Variants in FCHSD2 observed in about 807,000 individuals in gnomAD.
FCHSD2 encodes FCH and double SH3 domains 2.
Under a neutral mutation model 108.1 loss-of-function variants are expected in FCHSD2, and 38 were observed. That is an observed-to-expected ratio of 0.35 (90% CI 0.27 to 0.46). FCHSD2 has a LOEUF of 0.46. FCHSD2 is among the 20% of genes least tolerant of loss of function. The probability of loss-of-function intolerance (pLI) is 1.00; values close to 1 mark genes in which losing one functional copy is unlikely to be tolerated. For missense variants in FCHSD2, 751 were observed against 897.8 expected (o/e 0.84, Z 2.09); for synonymous variants, 279 against 314.7 (o/e 0.89, Z 1.20).
At chr11:72,869,751 T>A (rs1400681510) in intron 12 of FCHSD2, 1 of 152,152 alleles carries the variant, frequency 6.6e-6, no homozygotes, top group Non-Finnish European at 1.5e-5. Context: ...CTTTTCCTGT[T>A]CATAATGCTA....
intron 3 of FCHSD2, among the ~76,000 whole-genome samples, chr11:73,062,115 C>T (rs933402986): frequency 1.8e-4 from 28 of 152,114 alleles, no homozygotes; most frequent in African/African-American, 6.5e-4. Flanking sequence ...GAGGAAAGAT[C>T]GGCAGCAATC....
At chr11:72,916,403 C>T (rs1355866060) in intron 9 of FCHSD2, among the ~76,000 whole-genome samples, 1 of 150,496 alleles carries the variant, frequency 6.6e-6, no homozygotes, top group Non-Finnish European at 1.5e-5. Flanking sequence ...GCTTCCAATT[C>T]CTGGGCTCAA....
At chr11:73,063,567 A>G (rs992757561) in intron 3 of FCHSD2, among the ~76,000 whole-genome samples, 2 of 152,228 alleles carry the variant, frequency 1.3e-5, no homozygotes, top group African/African-American at 4.8e-5. Flanking sequence ...AGACACACAT[A>G]GGTTCAAAAT....
At chr11:73,117,295 A>T (rs1860626715) in intron 2 of FCHSD2, among the ~76,000 whole-genome samples, 1 of 152,248 alleles carries the variant, frequency 6.6e-6, no homozygotes, top group Admixed American at 6.5e-5. Context: ...GACAAGCAGG[A>T]AGTGGAGAAC....
At chr11:73,069,539 A>C (rs1859383623) in intron 3 of FCHSD2, among the ~76,000 whole-genome samples, 1 of 152,094 alleles carries the variant, frequency 6.6e-6, no homozygotes. Context: ...TAAAACCCTC[A>C]AATAGACACA....
chr11:72,847,521 GAAA>G (rs1376761874), intron 14 of FCHSD2, among the ~76,000 whole-genome samples: 2 of 152,116 alleles, frequency 1.3e-5, no homozygotes, highest in African/African-American at 4.8e-5. Context: ...AAAGAAATAT[GAAA>G]ACTAAGATTA....
chr11:72,841,623 C>T (rs1292356021), intron 17 of FCHSD2, 40 bp from the exon 18 acceptor site: 1 of 1,545,434 alleles, frequency 6.5e-7, no homozygotes, highest in Non-Finnish European at 8.7e-7. Context: ...TGCTCCCCTC[C>T]AGGAAGGAGA....
chr11:72,925,716 A>C (rs1282821341), intron 8 of FCHSD2, among the ~76,000 whole-genome samples: 1 of 152,206 alleles, frequency 6.6e-6, no homozygotes, highest in Non-Finnish European at 1.5e-5. Context: ...AGCCTTACCA[A>C]AGTGATGGCA....
At chr11:72,971,317 T>C (rs577677140) in intron 8 of FCHSD2, among the ~76,000 whole-genome samples, 118 of 152,340 alleles carry the variant, frequency 7.7e-4, no homozygotes, top group African/African-American at 2.6e-3. Context: ...ACTGCTGAAG[T>C]AGACAGAACT....
chr11:73,074,649 T>C (rs1859508560), intron 3 of FCHSD2, among the ~76,000 whole-genome samples: 1 of 152,142 alleles, frequency 6.6e-6, no homozygotes, highest in Non-Finnish European at 1.5e-5. Context: ...AAAGAAACCA[T>C]TAACAGATAA....
intron 12 of FCHSD2, among the ~76,000 whole-genome samples, chr11:72,883,717 A>C (rs1855136662): frequency 6.6e-6 from 1 of 152,068 alleles, no homozygotes; most frequent in Non-Finnish European, 1.5e-5. Flanking sequence ...AGATTGCTTG[A>C]CCCACGAGTT....
chr11:72,995,696 A>G (rs1857507086), intron 5 of FCHSD2, among the ~76,000 whole-genome samples: 1 of 151,556 alleles, frequency 6.6e-6, no homozygotes, highest in African/African-American at 2.4e-5. Flanking sequence ...AGAGCAGAGA[A>G]AAATTCTGTC....
chr11:72,915,610 G>A (rs146465744), intron 9 of FCHSD2, among the ~76,000 whole-genome samples: 10 of 152,190 alleles, frequency 6.6e-5, no homozygotes, highest in African/African-American at 1.7e-4. Flanking sequence ...CCTGAGGTCA[G>A]GAGTTCAAAA....
At chr11:73,006,988 C>A (rs905997003) in intron 4 of FCHSD2, among the ~76,000 whole-genome samples, 1 of 152,128 alleles carries the variant, frequency 6.6e-6, no homozygotes, top group South Asian at 2.1e-4. Context: ...TTAAAAAGGG[C>A]CTCTTCATTC....
At chr11:72,927,128 A>G (rs1398236951) in intron 8 of FCHSD2, among the ~76,000 whole-genome samples, 2 of 152,198 alleles carry the variant, frequency 1.3e-5, no homozygotes, top group Non-Finnish European at 2.9e-5. Context: ...CGGGTAGGCA[A>G]AAAACCCTGT....
chr11:73,108,860 C>T (rs949518155), intron 2 of FCHSD2, among the ~76,000 whole-genome samples: 1 of 152,154 alleles, frequency 6.6e-6, no homozygotes. Flanking sequence ...CGTGAGCCAC[C>T]GCGCCCAGCC....
chr11:72,987,053 C>T (rs1351014317), intron 6 of FCHSD2, among the ~76,000 whole-genome samples: 1 of 152,126 alleles, frequency 6.6e-6, no homozygotes, highest in African/African-American at 2.4e-5. Context: ...AACATATTCA[C>T]CCCAGTGTTT....
intron 8 of FCHSD2, among the ~76,000 whole-genome samples, chr11:72,929,472 G>A (rs1856146351): frequency 6.6e-6 from 1 of 152,206 alleles, no homozygotes; most frequent in Non-Finnish European, 1.5e-5. Flanking sequence ...ATTATTGCTA[G>A]TGTGCATAGA....
chr11:73,097,561 T>C (rs1213002806), intron 2 of FCHSD2, among the ~76,000 whole-genome samples: 1 of 151,362 alleles, frequency 6.6e-6, no homozygotes, highest in East Asian at 1.9e-4. Flanking sequence ...CATTAACTGT[T>C]TGGTAGAATT....
Sources: allele counts gnomAD v4.1 joint callset (sites outside exome capture counted in the v4.1 genomes callset), GRCh38; gene constraint gnomAD v4.1.1; transcripts MANE v1.5; gene names NCBI Gene and HGNC (gene_info 2026-07-23, HGNC 2026-07-21).